Variants in EXOC4 observed in about 807,000 individuals in gnomAD.
The protein encoded by EXOC4 is SEC8-like 1.
Under a neutral mutation model 107.2 loss-of-function variants are expected in EXOC4, and 71 were observed. The observed-to-expected ratio is 0.66, with a 90% confidence interval of 0.55 to 0.81. EXOC4 has a LOEUF of 0.81. Among genes scored for constraint, EXOC4 ranks in the 30% least tolerant of loss-of-function variants. The pLI is 0.00. For synonymous variants in EXOC4, 456 were observed against 441.2 expected (o/e 1.03, Z -0.42); for missense variants, 1,108 against 1,189.6 (o/e 0.93, Z 1.01).
intron 14 of EXOC4, among the ~76,000 whole-genome samples, chr7:133,969,420 A>G: frequency 6.6e-6 from 1 of 152,208 alleles, no homozygotes. Context: ...GAGAAGAGGC[A>G]TTCTTATTTT....
At chr7:134,053,670 G>A (rs1795852716) in intron 17 of EXOC4, among the ~76,000 whole-genome samples, 1 of 151,538 alleles carries the variant, frequency 6.6e-6, no homozygotes, top group Non-Finnish European at 1.5e-5. Flanking sequence ...GACAAAGCTT[G>A]ATGAGGATGG....
At chr7:134,080,725 A>G in the EXOC4 span, among the ~76,000 whole-genome samples, 2 of 152,048 alleles carry the variant, frequency 1.3e-5, no homozygotes, top group East Asian at 3.9e-4. Context: ...GGGTTGCTTG[A>G]GCCCAGGAGT....
intron 10 of EXOC4, among the ~76,000 whole-genome samples, chr7:133,709,695 G>A (rs1410575654): frequency 6.4e-5 from 9 of 141,296 alleles, no homozygotes; most frequent in South Asian, 2.2e-4. Flanking sequence ...CAGTGTCGTC[G>A]TGAAGACTCT....
intron 11 of EXOC4, among the ~76,000 whole-genome samples, chr7:133,855,128 A>AAAT (rs1798341513): frequency 1.5e-5 from 1 of 64,816 alleles, no homozygotes; most frequent in Non-Finnish European, 2.7e-5. Flanking sequence ...TATATATATA[A>AAAT]ATATATATAT....
chr7:133,646,055 C>CCCA (rs60194379), intron 10 of EXOC4, among the ~76,000 whole-genome samples: 64,656 of 151,654 alleles, frequency 0.43, 14,582 homozygotes, highest in Admixed American at 0.56. Flanking sequence ...TCTCCCCAAA[C>CCCA]AGCATACATA....
At chr7:133,352,415 CCTT>C (rs1795931826) in intron 5 of EXOC4, among the ~76,000 whole-genome samples, 1 of 151,784 alleles carries the variant, frequency 6.6e-6, no homozygotes, top group Non-Finnish European at 1.5e-5. Context: ...TATATAATGT[CCTT>C]CTTTGTCTCT....
At chr7:133,463,225 C>A (rs1361105900) in intron 7 of EXOC4, among the ~76,000 whole-genome samples, 2 of 152,058 alleles carry the variant, frequency 1.3e-5, no homozygotes, top group Non-Finnish European at 2.9e-5. Context: ...CTGAGAAGAG[C>A]CACAACTAAC....
At chr7:133,427,122 A>T (rs1161499222) in intron 7 of EXOC4, among the ~76,000 whole-genome samples, 1 of 151,838 alleles carries the variant, frequency 6.6e-6, no homozygotes, top group East Asian at 1.9e-4. Context: ...TTTTTTCAAG[A>T]TAATCATTTT....
At chr7:133,886,873 A>C (rs1799097353) in intron 11 of EXOC4, among the ~76,000 whole-genome samples, 1 of 152,222 alleles carries the variant, frequency 6.6e-6, no homozygotes, top group Non-Finnish European at 1.5e-5. Context: ...TAAATTCTTG[A>C]AAAATGGAAA....
chr7:133,481,245 G>A (rs922981410), intron 9 of EXOC4, among the ~76,000 whole-genome samples: 56 of 151,882 alleles, frequency 3.7e-4, no homozygotes, highest in African/African-American at 1.3e-3. Context: ...ACACACACAC[G>A]TCAATAACAA....
chr7:133,363,523 A>G (rs1188505269), intron 6 of EXOC4, among the ~76,000 whole-genome samples: 1 of 151,956 alleles, frequency 6.6e-6, no homozygotes, highest in African/African-American at 2.4e-5. Flanking sequence ...GGTTATAGTC[A>G]TTAGAGAAAG....
chr7:133,468,388 C>G (rs1452358776), intron 7 of EXOC4, among the ~76,000 whole-genome samples: 1 of 151,954 alleles, frequency 6.6e-6, no homozygotes, highest in South Asian at 2.1e-4. Flanking sequence ...TTAGACTGCT[C>G]TATTGAAAAA....
intron 10 of EXOC4, among the ~76,000 whole-genome samples, chr7:133,641,769 T>A (rs942536962): frequency 6.6e-6 from 1 of 152,182 alleles, no homozygotes; most frequent in Non-Finnish European, 1.5e-5. Flanking sequence ...AGAGTGGAAA[T>A]AAGAATAGTA....
intron 14 of EXOC4, among the ~76,000 whole-genome samples, chr7:133,946,452 T>C (rs1800552183): frequency 6.6e-6 from 1 of 152,222 alleles, no homozygotes; most frequent in Non-Finnish European, 1.5e-5. Flanking sequence ...CCAAATATAT[T>C]TCCATGTTGT....
chr7:133,895,834 T>G (rs1328725703), intron 12 of EXOC4, 99 bp downstream of exon 12: 2 of 1,322,778 alleles, frequency 1.5e-6, no homozygotes, highest in East Asian at 4.6e-5. Flanking sequence ...AAAAGGATCA[T>G]CTCTGAGTTT....
intron 13 of EXOC4, among the ~76,000 whole-genome samples, chr7:133,936,611 A>AT (rs1159461243): frequency 1.3e-5 from 2 of 151,554 alleles, no homozygotes; most frequent in Admixed American, 6.6e-5. Context: ...AACTTTCTTG[A>AT]TTTTTTTCCC....
At chr7:133,545,852 C>G (rs1038844010) in intron 9 of EXOC4, among the ~76,000 whole-genome samples, 2 of 152,192 alleles carry the variant, frequency 1.3e-5, no homozygotes, top group Non-Finnish European at 2.9e-5. Context: ...GGATGGTTGG[C>G]ATGTTCTCAC....
intron 17 of EXOC4, among the ~76,000 whole-genome samples, chr7:134,060,535 G>A (rs1326822039): frequency 6.6e-6 from 1 of 152,190 alleles, no homozygotes; most frequent in Non-Finnish European, 1.5e-5. Context: ...AATGCTCGAT[G>A]ATGAAGACCA....
At position 133,817,517 on chromosome 7, in the gene EXOC4, G is replaced by A. The variant is rs772814105; in HGVS notation, c.1707G>A (p.Val569=). The A allele has an allele frequency of 6.2e-7, 1 of 1,614,082 alleles. No individual in the cohort carries two copies. Among genetic ancestry groups the A allele is most frequent in the South Asian group, 1.1e-5 (1 of 91,074 alleles). The change falls in exon 11 of 18, where the codon GTG becomes GTA. Residue 569 remains valine, a synonymous_variant. Coordinates refer to ENST00000253861, the MANE Select transcript of EXOC4 (RefSeq NM_021807.4). ...TGGCCAACGCAGACACCATGAAGGT[G>A]CTGGGAGTGCAGCGGCCTCTCCTAC... ...KILANADTMK[V]LGVQRPLLQS...
Sources: gnomAD v4.1 joint callset for allele counts (sites outside exome capture counted in the v4.1 genomes callset) on GRCh38, gnomAD v4.1.1 for gene constraint, MANE v1.5 for transcripts, NCBI Gene and HGNC (gene_info 2026-07-23, HGNC 2026-07-21) for gene names.